PPFIA4: variants seen among roughly 807,000 people sequenced by gnomAD.
PPFIA4 encodes liprin-alpha-4.
PPFIA4 carries 98 observed loss-of-function variants against 145.7 expected under a neutral mutation model. The ratio of observed to expected loss-of-function variants is 0.67; its 90% confidence interval spans 0.57 to 0.80. The LOEUF (loss-of-function observed/expected upper bound fraction) is 0.80, where lower values mean the gene tolerates loss of function less well. Among genes scored for constraint, PPFIA4 ranks in the 30% least tolerant of loss-of-function variants. The probability of loss-of-function intolerance (pLI) is 0.00; values close to 1 mark genes in which losing one functional copy is unlikely to be tolerated. For synonymous variants in PPFIA4, 628 were observed against 649.6 expected (o/e 0.97, Z 0.51); for missense variants, 1,457 against 1,632.7 (o/e 0.89, Z 1.85).
intron 29 of PPFIA4, chr1:203,076,030 C>G: frequency 1.7e-6 from 1 of 583,022 alleles, no homozygotes; most frequent in Non-Finnish European, 3.0e-6. Flanking sequence ...CTGCTGACCC[C>G]CCATCCTCCC....
intron 9 of PPFIA4, among the ~76,000 whole-genome samples, chr1:203,047,077 G>T (rs1005238253): frequency 6.6e-6 from 1 of 152,212 alleles, no homozygotes; most frequent in African/African-American, 2.4e-5. Flanking sequence ...CCTCATATGG[G>T]ATCTTCGAAC....
intron 24 of PPFIA4, 76 bp from the exon 25 acceptor site, chr1:203,063,752 G>A: frequency 4.0e-6 from 6 of 1,501,278 alleles, no homozygotes; most frequent in Non-Finnish European, 5.5e-6. Flanking sequence ...TGTGTCTCCC[G>A]ACCAGCTATA....
chr1:203,057,020 A>T, intron 19 of PPFIA4, 70 bp downstream of exon 19: 1 of 1,590,554 alleles, frequency 6.3e-7, no homozygotes, highest in Admixed American at 1.7e-5. Context: ...GTGTACTTGG[A>T]CTGGCCTTCT....
chr1:203,045,241 T>C, intron 6 of PPFIA4, 127 bp from the exon 7 acceptor site: 1 of 802,988 alleles, frequency 1.2e-6, no homozygotes, highest in Non-Finnish European at 2.0e-6. Flanking sequence ...AGAGGAGTGC[T>C]GTGATGTTGG....
In PPFIA4 at chr1:203,044,104, C is replaced by T; in HGVS notation, c.501+9C>T. 1 of 1,566,796 alleles carries T rather than the reference C, an allele frequency of 6.4e-7. No individual in the cohort carries two copies. ...AGGCCCTGGATGAGAAGGTGCCCAC[C>T]TGCCCGCCAGCCCCCACATCCAGCC... On this transcript the variant is annotated intron_variant, in intron 4 of 29. Coordinates refer to ENST00000295706, the MANE Select transcript of PPFIA4 (RefSeq NM_001304331.2).
chr1:203,059,686 C>T, intron 20 of PPFIA4, 84 bp from the exon 21 acceptor site: 2 of 1,199,222 alleles, frequency 1.7e-6, no homozygotes, highest in Non-Finnish European at 2.4e-6. Flanking sequence ...GTCTCCAGCT[C>T]TTGCACAGCC....
chr1:203,063,471 C>T, intron 24 of PPFIA4: 1 of 225,750 alleles, frequency 4.4e-6, no homozygotes, highest in Non-Finnish European at 8.7e-6. Flanking sequence ...GGGCTTGAGG[C>T]TCACTGAGAG....
At chr1:203,037,631 G>A (rs1467135816) in intron 1 of PPFIA4, among the ~76,000 whole-genome samples, 2 of 152,148 alleles carry the variant, frequency 1.3e-5, no homozygotes, top group Admixed American at 6.5e-5. Flanking sequence ...CTTCATCGCC[G>A]GCTTCCTTTG....
At position 203,028,638 on chromosome 1, in the gene PPFIA4, G is replaced by A. The variant is rs531348285; in HGVS notation, c.-400+2009G>A. ...ACAAGGTGTGGCAATTGAGTGGTAT[G>A]GGGTGTGTGTGTGTGTGCACACGCG... On this transcript the variant is annotated intron_variant, in intron 1 of 29. Coordinates refer to ENST00000295706, the MANE Select transcript of PPFIA4 (RefSeq NM_001304331.2). Among the ~76,000 whole-genome samples the A allele has an allele frequency of 8.4e-4, 128 of 152,112 alleles. 2 individuals are homozygous for A. The highest frequency in any genetic ancestry group is 3.0e-3 in the African/African-American group (125 of 41,488).
Position 203,067,763 on chromosome 1 carries a change from G to A in PPFIA4, c.3119G>A (p.Arg1040Lys). 6.2e-7 allele frequency: 1 copy of A among 1,613,812 alleles called. No individual in the cohort carries two copies. Among genetic ancestry groups the A allele is most frequent in the Non-Finnish European group, 8.5e-7 (1 of 1,179,860 alleles). Residue 1040 changes from arginine to lysine, a missense_variant, in exon 26 of 30, where the codon AGG (arginine) becomes AAG (lysine). By Grantham distance (26) the Arg-to-Lys change is conservative (BLOSUM62 2). This residue lies in a region of PPFIA4 where 848 missense variants were observed against 1,046.7 expected (regional missense o/e 0.81). Coordinates refer to ENST00000295706, the MANE Select transcript of PPFIA4 (RefSeq NM_001304331.2). ...LNYDRKELEK[R>K]REESQHEIKD... is the part of the protein sequence containing the mutation. Reference sequence around the variant, plus strand: ...TATGACCGGAAGGAGCTGGAGAAGAGGCGAGAGGAGAGCCAGCATGAGATC... The same window carrying A: ...TATGACCGGAAGGAGCTGGAGAAGAAGCGAGAGGAGAGCCAGCATGAGATC...
chr1:203,052,182 T>G (rs1230354779), intron 14 of PPFIA4, among the ~76,000 whole-genome samples: 1 of 147,684 alleles, frequency 6.8e-6, no homozygotes, highest in Non-Finnish European at 1.5e-5. Flanking sequence ...TGGTCGGGCG[T>G]GGGGGGTGGG....
chr1:203,060,986 G>A lies in PPFIA4; in HGVS notation c.2801G>A (p.Trp934Ter). ...PTSRTSSGNV[W>*]VTHEEMETLE... ...TGCCTGCAGTCTTCTGGGAATGTCT[G>A]GGTCACCCATGAAGAGATGGAAACT... The change falls in exon 23 of 30, where the codon TGG becomes TAG. Residue 934 changes from tryptophan (W) to a stop codon, truncating the protein, a stop_gained. Coordinates refer to ENST00000295706, the MANE Select transcript of PPFIA4 (RefSeq NM_001304331.2). LOFTEE classifies it high-confidence loss of function. The surrounding 1 kb of genome is among the most constrained non-coding windows in gnomAD (Gnocchi z 4.8). The A allele has an allele frequency of 6.2e-7, 1 of 1,613,968 alleles. No individual in the cohort carries two copies. Among genetic ancestry groups the A allele is most frequent in the Non-Finnish European group, 8.5e-7 (1 of 1,179,872 alleles).
At position 203,045,397 on chromosome 1, in the gene PPFIA4, G is replaced by C; in HGVS notation, c.696G>C (p.Gln232His). Residue 232 changes from glutamine (Q) to histidine (H), a missense_variant, in exon 7 of 30, where the codon CAG becomes CAC. Physicochemically the swap from Gln to His is conservative, Grantham distance 24 (BLOSUM62 0). This residue lies in a region of PPFIA4 where 463 missense variants were observed against 459.8 expected (regional missense o/e 1.01). Coordinates refer to ENST00000295706, the MANE Select transcript of PPFIA4 (RefSeq NM_001304331.2). ...KEDTGRVEELQELLEKQNFEL... is the reference protein window; with the variant it reads ...KEDTGRVEELHELLEKQNFEL... ...ATACGGGCCGGGTAGAGGAGCTGCA[G>C]GAGCTCCTGGAGAAGCAGAACTTTG... The C allele has an allele frequency of 6.2e-7, 1 of 1,606,752 alleles. No homozygotes were observed. The highest frequency in any genetic ancestry group is 8.5e-7 in the Non-Finnish European group (1 of 1,177,350).
rs566102573 is a variant in PPFIA4, at chr1:203,073,877, C to G, written c.3394-1700C>G. ...AGGATCATGGGGAGGACAGCAGTGACAAGGGAAGTTCCTAACAAACTCAGG... is the reference window on the plus strand; with the variant it reads ...AGGATCATGGGGAGGACAGCAGTGAGAAGGGAAGTTCCTAACAAACTCAGG... On this transcript the variant is annotated intron_variant, in intron 28 of 29. Coordinates refer to ENST00000295706, the MANE Select transcript of PPFIA4 (RefSeq NM_001304331.2). Among the ~76,000 whole-genome samples, 66 of 152,162 alleles carry G rather than the reference C, an allele frequency of 4.3e-4. 1 individual carries two copies. Among genetic ancestry groups the G allele is most frequent in the African/African-American group, 1.4e-3 (59 of 41,492 alleles).
intron 1 of PPFIA4, among the ~76,000 whole-genome samples, chr1:203,036,975 T>C (rs907600499): frequency 6.6e-6 from 1 of 152,198 alleles, no homozygotes; most frequent in African/African-American, 2.4e-5. Flanking sequence ...GCCACATGTG[T>C]ATCTGTTCTA....
chr1:203,034,213 C>T (rs1659049142), intron 1 of PPFIA4, among the ~76,000 whole-genome samples: 1 of 152,156 alleles, frequency 6.6e-6, no homozygotes, highest in African/African-American at 2.4e-5. Context: ...GTGATCTAAG[C>T]TCATGAGACC....
At chr1:203,045,684 G>C in intron 7 of PPFIA4, 125 bp downstream of exon 7, 2 of 1,439,138 alleles carry the variant, frequency 1.4e-6, no homozygotes, top group Non-Finnish European at 1.9e-6. Flanking sequence ...GTTGGGGGGC[G>C]GTCATGGAAG....
intron 20 of PPFIA4, among the ~76,000 whole-genome samples, chr1:203,059,488 C>T (rs1016529999): frequency 6.6e-6 from 1 of 152,204 alleles, no homozygotes; most frequent in Non-Finnish European, 1.5e-5. Context: ...GGACAGTGAC[C>T]TGGGTCCTCT....
rs751393931 is a variant in PPFIA4 at position 203,075,567 on chromosome 1, C to T, written c.3394-10C>T. 11 of 1,403,606 alleles carry T rather than the reference C, an allele frequency of 7.8e-6. No homozygotes were observed. Among genetic ancestry groups the T allele is most frequent in the Non-Finnish European group, 9.3e-6 (10 of 1,071,706 alleles). 86.9% of individuals were successfully genotyped at this position (1,403,606 alleles called of 1,614,324 possible). On this transcript the variant is annotated splice_polypyrimidine_tract_variant and intron_variant, in intron 28 of 29. Transcript: ENST00000295706. The surrounding 1 kb of genome is among the most constrained non-coding windows in gnomAD (Gnocchi z 4.1). Reference sequence around the variant, plus strand: ...GGGCCCTCGGGCCTCTGGTGTCCCCCATGGTGCAGGGGGATGACAAGGTGT... The same window carrying T: ...GGGCCCTCGGGCCTCTGGTGTCCCCTATGGTGCAGGGGGATGACAAGGTGT...
Sources: allele counts gnomAD v4.1 joint callset (sites outside exome capture counted in the v4.1 genomes callset), GRCh38; gene constraint gnomAD v4.1.1; regional missense constraint gnomAD v4.1.1; non-coding constraint Gnocchi (gnomAD v3.1); transcripts MANE v1.5; gene names NCBI Gene and HGNC (gene_info 2026-07-23, HGNC 2026-07-21).